The following TENM3 variants were observed in gnomAD, a reference collection of about 807,000 sequenced individuals.
The protein encoded by TENM3 is teneurin transmembrane protein 3.
A neutral mutation model predicts 255.1 loss-of-function variants in TENM3; 63 were observed. The observed-to-expected ratio is 0.25, with a 90% CI of 0.20 to 0.30. TENM3 has a LOEUF of 0.30. TENM3 is among the 10% of genes least tolerant of loss of function. TENM3 has a pLI of 1.00. For synonymous variants in TENM3, 1,306 were observed against 1,322.3 expected, an observed-to-expected ratio of 0.99 and a Z score of 0.27; for missense variants, 2,929 against 3,461.1, an observed-to-expected ratio of 0.85 and a Z score of 3.86.
At chr4:181,620,939 A>T in the TENM3 span, among the ~76,000 whole-genome samples, 2 of 152,324 alleles carry the variant, frequency 1.3e-5, no homozygotes, top group African/African-American at 4.8e-5. Context: ...CTATGGATGG[A>T]TGTCATACCT....
chr4:181,703,973 G>T, the TENM3 span, among the ~76,000 whole-genome samples: 1 of 152,120 alleles, frequency 6.6e-6, no homozygotes, highest in Admixed American at 6.5e-5. Context: ...CAGGCATACT[G>T]TCCAGGAACG....
the TENM3 span, among the ~76,000 whole-genome samples, chr4:181,888,292 A>G: frequency 6.6e-5 from 10 of 151,196 alleles, no homozygotes; most frequent in Admixed American, 2.0e-4. Context: ...CGGCCTCCCA[A>G]AGTGCTAGGG....
chr4:182,234,855 A>T (rs560239481), intron 1 of TENM3, among the ~76,000 whole-genome samples: 1 of 152,318 alleles, frequency 6.6e-6, no homozygotes, highest in Admixed American at 6.5e-5. Flanking sequence ...AGATATACCG[A>T]ATGTTATGGA....
the TENM3 span, among the ~76,000 whole-genome samples, chr4:181,760,544 C>T: frequency 6.6e-6 from 1 of 152,062 alleles, no homozygotes; most frequent in Admixed American, 6.6e-5. Context: ...CTAAGTTGGG[C>T]CCATTATGGT....
the TENM3 span, among the ~76,000 whole-genome samples, chr4:181,802,151 G>A: frequency 9.9e-5 from 15 of 152,128 alleles, no homozygotes; most frequent in African/African-American, 3.6e-4. Flanking sequence ...GCCAATCAAG[G>A]CACAGCTTCA....
chr4:182,553,356 G>T (rs1402429269), intron 3 of TENM3, among the ~76,000 whole-genome samples: 1 of 139,526 alleles, frequency 7.2e-6, no homozygotes, highest in African/African-American at 2.7e-5. Flanking sequence ...CAGGAAGGGG[G>T]ACATCACACA....
chr4:181,495,742 C>A, the TENM3 span, among the ~76,000 whole-genome samples: 1 of 151,730 alleles, frequency 6.6e-6, no homozygotes. Context: ...CTGAGGTCAG[C>A]AACAAAGAAC....
At chr4:182,671,601 T>C (rs916133795) in intron 6 of TENM3, among the ~76,000 whole-genome samples, 6 of 152,196 alleles carry the variant, frequency 3.9e-5, no homozygotes, top group African/African-American at 1.4e-4. Context: ...AATTACTACT[T>C]GATAGCAGAA....
intron 5 of TENM3, among the ~76,000 whole-genome samples, chr4:182,630,060 G>C (rs577180274): frequency 1.3e-5 from 2 of 152,256 alleles, no homozygotes; most frequent in Non-Finnish European, 2.9e-5. Context: ...ATTACATGCT[G>C]CTTATCTTCA....
chr4:182,047,172 A>G, the TENM3 span, among the ~76,000 whole-genome samples: 1 of 152,212 alleles, frequency 6.6e-6, no homozygotes, highest in Non-Finnish European at 1.5e-5. Flanking sequence ...GTCTAGTTTC[A>G]GAGAACTCCA....
rs187374455 is a variant in TENM3 at position 182,667,399 on chromosome 4, C to T, written c.1112-5606C>T. 1.2e-3 allele frequency among the ~76,000 whole-genome samples: 187 copies of T among 152,166 alleles called. 1 individual carries two copies. The highest frequency in any genetic ancestry group is 3.4e-3 in the Middle Eastern group (1 of 292). On this transcript the variant is annotated intron_variant, in intron 6 of 27. Coordinates refer to ENST00000511685, the MANE Select transcript of TENM3 (RefSeq NM_001080477.4). ...AGAGACAGGATTTCACCATCTTGGC[C>T]GGGCTGGTCTCGAACTCCTGACCTT... is the stretch of plus-strand genomic sequence containing the variant.
chr4:182,272,096 C>T (rs919078574), intron 1 of TENM3, among the ~76,000 whole-genome samples: 7 of 152,176 alleles, frequency 4.6e-5, no homozygotes, highest in Non-Finnish European at 7.3e-5. Flanking sequence ...TTGGTCCACC[C>T]ATTTCCACCT....
chr4:181,577,162 T>C, the TENM3 span, among the ~76,000 whole-genome samples: 2 of 133,986 alleles, frequency 1.5e-5, no homozygotes, highest in Non-Finnish European at 3.1e-5. Context: ...TATATATAAA[T>C]AATATATATT....
intron 3 of TENM3, among the ~76,000 whole-genome samples, chr4:182,364,636 G>T (rs1008408130): frequency 2.0e-5 from 3 of 152,122 alleles, no homozygotes; most frequent in Admixed American, 6.5e-5. Context: ...AGCCAGGATG[G>T]TCTCAACCTC....
the TENM3 span, among the ~76,000 whole-genome samples, chr4:182,094,850 A>G: frequency 6.6e-6 from 1 of 152,166 alleles, no homozygotes; most frequent in Non-Finnish European, 1.5e-5. Context: ...TCGGAAATTA[A>G]AGTAAAAATC....
intron 3 of TENM3, among the ~76,000 whole-genome samples, chr4:182,431,581 C>T (rs971740269): frequency 1.3e-5 from 2 of 152,100 alleles, no homozygotes; most frequent in East Asian, 1.9e-4. Flanking sequence ...ATGGATTTTA[C>T]GTAGGACTTG....
chr4:181,956,761 T>C, the TENM3 span, among the ~76,000 whole-genome samples: 2 of 152,216 alleles, frequency 1.3e-5, no homozygotes, highest in African/African-American at 4.8e-5. Flanking sequence ...CTACGCTACA[T>C]AATAGATTTC....
the TENM3 span, among the ~76,000 whole-genome samples, chr4:181,718,806 A>G: frequency 6.6e-6 from 1 of 152,262 alleles, no homozygotes; most frequent in Non-Finnish European, 1.5e-5. Flanking sequence ...TCATCTTTGT[A>G]TAGTCAGCAG....
the TENM3 span, among the ~76,000 whole-genome samples, chr4:181,612,931 C>T: frequency 6.6e-6 from 1 of 152,190 alleles, no homozygotes; most frequent in African/African-American, 2.4e-5. Context: ...TAAGAAAATA[C>T]TTCCACCTAA....
Sources: gnomAD v4.1 joint callset for allele counts (sites outside exome capture counted in the v4.1 genomes callset) on GRCh38, gnomAD v4.1.1 for gene constraint, MANE v1.5 for transcripts, NCBI Gene and HGNC (gene_info 2026-07-23, HGNC 2026-07-21) for gene names.